The following JAKMIP3 variants were observed in gnomAD, a reference collection of about 807,000 sequenced individuals.
JAKMIP3 encodes the protein janus kinase and microtubule-interacting protein 3.
JAKMIP3 carries 58 observed loss-of-function variants against 118.5 expected under a neutral mutation model. The observed-to-expected ratio is 0.49, with a 90% CI of 0.40 to 0.61. JAKMIP3 has a LOEUF of 0.61. Among genes scored for constraint, JAKMIP3 ranks in the 20% least tolerant of loss-of-function variants. JAKMIP3 has a pLI of 0.00. For missense variants in JAKMIP3, 950 were observed against 1,109.0 expected (o/e 0.86, Z 2.04); for synonymous variants, 486 against 451.2 (o/e 1.08, Z -0.98).
intron 1 of JAKMIP3, among the ~76,000 whole-genome samples, chr10:132,067,661 A>G (rs1425896047): frequency 8.7e-6 from 1 of 115,348 alleles, no homozygotes; most frequent in Admixed American, 8.8e-5. Context: ...TTCCGTGTGG[A>G]CTGGACTGTG....
intron 1 of JAKMIP3, among the ~76,000 whole-genome samples, chr10:132,089,820 A>T (rs956869450): frequency 2.6e-5 from 4 of 152,192 alleles, no homozygotes; most frequent in Admixed American, 2.6e-4. Context: ...GATTTTGCCC[A>T]TTCAGTATGA....
rs1445817220 is a variant in JAKMIP3, at chr10:132,181,073, A to C, written c.*1104-1284A>C. ...TGTATTGTGCATTGTGTGTACGTGCACATGTAGTGTGTGTGTGTGAGTGGT... is the reference window on the plus strand; with the variant it reads ...TGTATTGTGCATTGTGTGTACGTGCCCATGTAGTGTGTGTGTGTGAGTGGT... On this transcript the variant is annotated intron_variant, in intron 23 of 23. Coordinates refer to ENST00000684848, the MANE Select transcript of JAKMIP3 (RefSeq NM_001323087.2). Among the ~76,000 whole-genome samples the C allele has an allele frequency of 2.0e-5, 3 of 151,268 alleles. No individual in the cohort carries two copies. The South Asian group carries it at 6.3e-4, about 32-fold the overall frequency.
chr10:132,109,547 T>C (rs2046527393), intron 2 of JAKMIP3, among the ~76,000 whole-genome samples: 1 of 151,786 alleles, frequency 6.6e-6, no homozygotes, highest in Non-Finnish European at 1.5e-5. Context: ...ACAGTGAGGG[T>C]CTCACAGACG....
rs35729418 is a variant in JAKMIP3 at position 132,048,667 on chromosome 10, C to CTTTTTTTTTT, written c.-138+11935_-138+11944dup. Among the ~76,000 whole-genome samples the CTTTTTTTTTT allele has an allele frequency of 1.1e-3, 137 of 129,714 alleles. 3 individuals are homozygous for CTTTTTTTTTT. Among genetic ancestry groups the CTTTTTTTTTT allele is most frequent in the East Asian group, 2.6e-3 (11 of 4,188 alleles). 85.1% of individuals were successfully genotyped at this position (129,714 alleles called of 152,430 possible). ...AATTCCAGGCTTGACTGTTTCTTTT[C>CTTTTTTTTTT]TTTTTTTTTTTTTTTGAGATGGAGT... On this transcript the variant is annotated intron_variant, in intron 1 of 23. Transcript: ENST00000657785.
intron 1 of JAKMIP3, among the ~76,000 whole-genome samples, chr10:132,097,947 C>T (rs2044203231): frequency 2.8e-5 from 1 of 35,556 alleles, no homozygotes; most frequent in Non-Finnish European, 5.6e-5. Flanking sequence ...CTTTCCCTTT[C>T]CCATCCCCTT....
At chr10:132,096,303 A>G (rs2043849002) in intron 1 of JAKMIP3, among the ~76,000 whole-genome samples, 2 of 152,202 alleles carry the variant, frequency 1.3e-5, no homozygotes, top group Non-Finnish European at 2.9e-5. Context: ...GCCAATTCTT[A>G]TATCTCAAAA....
intron 3 of JAKMIP3, among the ~76,000 whole-genome samples, chr10:132,123,344 A>G (rs2048880265): frequency 1.3e-5 from 2 of 152,156 alleles, no homozygotes; most frequent in Non-Finnish European, 2.9e-5. Context: ...ACAAGTTCAG[A>G]CGTTGTTAAA....
Position 132,168,370 on chromosome 10 carries a change from A to C in JAKMIP3, c.*440A>C. 7.8e-7 allele frequency: 1 copy of C among 1,289,570 alleles called. No homozygotes were observed. Among genetic ancestry groups the C allele is most frequent in the South Asian group, 1.2e-5 (1 of 81,028 alleles). The allele number at this position is 1,289,570 out of a possible 1,614,324, so 79.9% of individuals were successfully genotyped here. A position where few individuals can be genotyped will look rare whatever the true frequency, so the allele number is the denominator to read the frequency against. ...CACTGGTGTCTGGAGGAAGATTTTC[A>C]GAAACAACAGAGGCTTGGCCTGATG... On this transcript the variant is annotated 3_prime_UTR_variant, in exon 23 of 24. Coordinates refer to ENST00000684848, the MANE Select transcript of JAKMIP3 (RefSeq NM_001323087.2).
intron 1 of JAKMIP3, among the ~76,000 whole-genome samples, chr10:132,099,055 C>T (rs2044412672): frequency 6.6e-6 from 1 of 152,132 alleles, no homozygotes; most frequent in Non-Finnish European, 1.5e-5. Flanking sequence ...CCCCAGGATG[C>T]CCCCGAATCA....
At chr10:132,150,274 C>T (rs1356419504) in intron 16 of JAKMIP3, among the ~76,000 whole-genome samples, 2 of 152,188 alleles carry the variant, frequency 1.3e-5, no homozygotes, top group African/African-American at 2.4e-5. Context: ...TGGCACTTCC[C>T]ATCACATTGC....
At chr10:132,142,762 A>G (rs1294562947) in intron 11 of JAKMIP3, among the ~76,000 whole-genome samples, 1 of 152,120 alleles carries the variant, frequency 6.6e-6, no homozygotes, top group Non-Finnish European at 1.5e-5. Flanking sequence ...TACCCCTCAC[A>G]GCGAGACGGG....
chr10:132,113,706 C>A (rs1327058089), intron 2 of JAKMIP3, among the ~76,000 whole-genome samples: 1 of 152,200 alleles, frequency 6.6e-6, no homozygotes, highest in East Asian at 1.9e-4. Context: ...CCTATGTTTT[C>A]TTCTAGAAGC....
intron 3 of JAKMIP3, among the ~76,000 whole-genome samples, chr10:132,122,365 C>G (rs1485582295): frequency 6.6e-6 from 1 of 152,272 alleles, no homozygotes; most frequent in South Asian, 2.1e-4. Context: ...GGCCCAGACA[C>G]CAGCCTGACT....
chr10:132,047,635 C>G (rs917987642), intron 1 of JAKMIP3, among the ~76,000 whole-genome samples: 6 of 152,116 alleles, frequency 3.9e-5, no homozygotes, highest in Non-Finnish European at 8.8e-5. Flanking sequence ...GTCCCCACCC[C>G]CCCCTGCGAG....
At chr10:132,106,890 T>C (rs10870255) in intron 2 of JAKMIP3, among the ~76,000 whole-genome samples, 7,612 of 152,182 alleles carry the variant, frequency 0.05, 380 homozygotes, top group East Asian at 0.2. Context: ...ATAACAATTA[T>C]CTTTTTTTAA....
In JAKMIP3 at chr10:132,057,647, G is replaced by T. The variant is rs373707475; in HGVS notation, c.-138+20909G>T. On this transcript the variant is annotated intron_variant, in intron 1 of 23. Transcript: ENST00000657785. ...GCAGCCCTGCACGTGTGTGTTCTCC[G>T]CTTGGCCTTCTTCTCCTTCCTGTGC... Among the ~76,000 whole-genome samples, 7 of 152,310 alleles carry T rather than the reference G, an allele frequency of 4.6e-5. No homozygotes were observed. The East Asian group carries it at 1.2e-3, about 25-fold the overall frequency.
chr10:132,163,531 A>G, intron 20 of JAKMIP3, 119 bp downstream of exon 20: 4 of 855,434 alleles, frequency 4.7e-6, no homozygotes, highest in Non-Finnish European at 7.2e-6. Context: ...CCCACCCTCC[A>G]GTGGCCACAC....
At chr10:132,076,775 G>A (rs973873315) in intron 1 of JAKMIP3, among the ~76,000 whole-genome samples, 7 of 148,106 alleles carry the variant, frequency 4.7e-5, no homozygotes, top group African/African-American at 1.0e-4. Context: ...AGGTGGCCCC[G>A]GGTCTGACTG....
At chr10:132,169,397 T>G (rs1192538874) in intron 23 of JAKMIP3, among the ~76,000 whole-genome samples, 2 of 152,124 alleles carry the variant, frequency 1.3e-5, no homozygotes, top group Non-Finnish European at 2.9e-5. Context: ...CCCGTGCACT[T>G]GAACGTGGAC....
Sources: gnomAD v4.1 joint callset for allele counts (sites outside exome capture counted in the v4.1 genomes callset) on GRCh38, gnomAD v4.1.1 for gene constraint, MANE v1.5 for transcripts, NCBI Gene and HGNC (gene_info 2026-07-23, HGNC 2026-07-21) for gene names.